Variants in TYR observed in about 807,000 individuals in gnomAD.
The protein encoded by TYR is tyrosinase.
TYR carries 58 observed loss-of-function variants against 51.5 expected under a neutral mutation model. The ratio of observed to expected loss-of-function variants is 1.13; its 90% CI spans 0.91 to 1.40. The LOEUF (loss-of-function observed/expected upper bound fraction) is 1.40. Among genes scored for constraint, TYR ranks in the 40% most tolerant of loss-of-function variants. TYR has a pLI of 0.00. For missense variants in TYR, 732 were observed against 647.4 expected (o/e 1.13, Z -1.42); for synonymous variants, 263 against 235.2 (o/e 1.12, Z -1.08).
chr11:89,284,738 A>G (rs760869651), intron 3 of TYR, 35 bp from the exon 4 acceptor site: 1 of 1,599,790 alleles, frequency 6.3e-7, no homozygotes, highest in Admixed American at 1.7e-5. Flanking sequence ...TATACACAAT[A>G]TGTTTCTTAG....
intron 3 of TYR, among the ~76,000 whole-genome samples, chr11:89,273,025 G>A (rs143120168): frequency 0.021 from 3,231 of 151,840 alleles, 125 homozygotes; most frequent in African/African-American, 0.074. Flanking sequence ...TCTTCATATC[G>A]GCAATAAGGC....
At chr11:89,235,101 C>T (rs979707840) in intron 3 of TYR, among the ~76,000 whole-genome samples, 1 of 152,032 alleles carries the variant, frequency 6.6e-6, no homozygotes, top group East Asian at 1.9e-4. Flanking sequence ...CACTAATAAC[C>T]TGTGAAATAT....
chr11:89,191,928 T>G (rs1943451183), intron 2 of TYR: 1 of 376,960 alleles, frequency 2.7e-6, no homozygotes, highest in East Asian at 8.0e-5. Context: ...ACATTTTGTA[T>G]TGTGGAATTT....
chr11:89,241,729 T>G (rs1368563572), intron 3 of TYR, among the ~76,000 whole-genome samples: 1 of 148,058 alleles, frequency 6.8e-6, no homozygotes, highest in East Asian at 1.9e-4. Flanking sequence ...GTATAGATGT[T>G]AATATAATTT....
intron 1 of TYR, among the ~76,000 whole-genome samples, chr11:89,179,102 G>GTGAA (rs1339635754): frequency 6.6e-6 from 1 of 152,194 alleles, no homozygotes; most frequent in South Asian, 2.1e-4. Context: ...GAATAAATGA[G>GTGAA]TGAATGAATG....
At chr11:89,202,776 A>G (rs542777869) in intron 2 of TYR, among the ~76,000 whole-genome samples, 1 of 152,248 alleles carries the variant, frequency 6.6e-6, no homozygotes, top group South Asian at 2.1e-4. Context: ...CTTAAGATGT[A>G]ATAATTAATG....
chr11:89,178,999 A>G (rs1943266398), intron 1 of TYR, among the ~76,000 whole-genome samples: 1 of 152,218 alleles, frequency 6.6e-6, no homozygotes, highest in Non-Finnish European at 1.5e-5. Context: ...TCTAAACTGC[A>G]ATGAACAGAG....
chr11:89,219,088 C>G (rs981692503), intron 2 of TYR, among the ~76,000 whole-genome samples: 1 of 152,144 alleles, frequency 6.6e-6, no homozygotes, highest in Non-Finnish European at 1.5e-5. Flanking sequence ...TTAGAACCAT[C>G]CTTTTATTGC....
intron 4 of TYR, among the ~76,000 whole-genome samples, chr11:89,290,160 G>T (rs1289449196): frequency 6.6e-6 from 1 of 152,006 alleles, no homozygotes; most frequent in East Asian, 1.9e-4. Context: ...AGAAAAATAG[G>T]ACTTCACAGA....
Position 89,178,140 on chromosome 11 carries a change from G to T in TYR, c.187G>T (p.Ala63Ser). Residue 63 changes from alanine to serine, a missense_variant, in exon 1 of 5, where the codon GCA (alanine) becomes TCA (serine). Coordinates refer to ENST00000263321, the MANE Select transcript of TYR (RefSeq NM_000372.5). The stretch of plus-strand genomic sequence containing the variant: ...CTGTCAGAATATCCTTCTGTCCAAT[G>T]CACCACTTGGGCCTCAATTTCCCTT... The part of the protein sequence containing the change: ...GSCQNILLSN[A>S]PLGPQFPFTG... The T allele has an allele frequency of 6.2e-7, 1 of 1,614,204 alleles. No individual in the cohort carries two copies.
intron 2 of TYR, among the ~76,000 whole-genome samples, chr11:89,203,479 A>G (rs778970439): frequency 6.6e-6 from 1 of 152,242 alleles, no homozygotes; most frequent in Admixed American, 6.5e-5. Flanking sequence ...ATGATTGTCA[A>G]TAACAAAAGT....
intron 3 of TYR, among the ~76,000 whole-genome samples, chr11:89,257,949 C>G (rs532608601): frequency 6.6e-6 from 1 of 152,120 alleles, no homozygotes; most frequent in Non-Finnish European, 1.5e-5. Context: ...TACTATGTAG[C>G]AACACCCCAA....
At chr11:89,183,435 G>C (rs945879897) in intron 1 of TYR, among the ~76,000 whole-genome samples, 1 of 151,980 alleles carries the variant, frequency 6.6e-6, no homozygotes, top group East Asian at 1.9e-4. Flanking sequence ...AAAAAAATGA[G>C]GTAGAATTAC....
intron 3 of TYR, among the ~76,000 whole-genome samples, chr11:89,243,254 T>C (rs1341492299): frequency 3.9e-5 from 6 of 152,236 alleles, no homozygotes; most frequent in Non-Finnish European, 8.8e-5. Flanking sequence ...GTTTTATCTA[T>C]TCATTCTACA....
chr11:89,211,023 GA>G (rs1184543769), intron 2 of TYR, among the ~76,000 whole-genome samples: 2 of 152,132 alleles, frequency 1.3e-5, no homozygotes, highest in African/African-American at 4.8e-5. Flanking sequence ...AAATTGTAAA[GA>G]CCATCAATGC....
chr11:89,217,365 T>C (rs1943844773), intron 2 of TYR, among the ~76,000 whole-genome samples: 1 of 152,200 alleles, frequency 6.6e-6, no homozygotes, highest in African/African-American at 2.4e-5. Context: ...TGTTTCTGGT[T>C]GGGGAATGAC....
At chr11:89,262,958 G>C (rs558283582) in intron 3 of TYR, among the ~76,000 whole-genome samples, 21 of 148,030 alleles carry the variant, frequency 1.4e-4, no homozygotes, top group African/African-American at 5.2e-4. Flanking sequence ...ATCAATTAAA[G>C]TCTTTCAAAA....
chr11:89,192,286 CACAA>C (rs1169935121), intron 2 of TYR, among the ~76,000 whole-genome samples: 1 of 151,956 alleles, frequency 6.6e-6, no homozygotes, highest in East Asian at 1.9e-4. Context: ...AAAACAAAAT[CACAA>C]ACAAACACAA....
intron 3 of TYR, among the ~76,000 whole-genome samples, chr11:89,234,388 T>C (rs1944085788): frequency 7.0e-6 from 1 of 143,816 alleles, no homozygotes; most frequent in Admixed American, 6.9e-5. Flanking sequence ...TTTTTCTTTC[T>C]TATTGTGTGT....
Sources: allele counts gnomAD v4.1 joint callset (sites outside exome capture counted in the v4.1 genomes callset), GRCh38; gene constraint gnomAD v4.1.1; transcripts MANE v1.5; gene names NCBI Gene and HGNC (gene_info 2026-07-23, HGNC 2026-07-21).